RAD54B: variants seen among roughly 807,000 people sequenced by gnomAD.
RAD54B encodes RAD54 homolog B.
In RAD54B, 78 loss-of-function variants were observed where a neutral mutation model predicts 95.8. That is an observed-to-expected ratio of 0.81 (90% CI 0.68 to 0.98). The LOEUF is 0.98. Among genes scored for constraint, RAD54B ranks in the 50% least tolerant of loss-of-function variants. The pLI, the probability that RAD54B is intolerant of heterozygous loss-of-function variation, is 0.00. For missense variants in RAD54B, 957 were observed against 1,056.6 expected (o/e 0.91, Z 1.31); for synonymous variants, 328 against 354.9 (o/e 0.92, Z 0.85).
At chr8:94,430,401 C>G (rs927829228) in intron 3 of RAD54B, 1 of 985,078 alleles carries the variant, frequency 1.0e-6, no homozygotes, top group Non-Finnish European at 1.2e-6. Context: ...TTCAACTACT[C>G]TTCGACAAAA....
At chr8:94,445,314 G>A (rs955782049) in intron 3 of RAD54B, among the ~76,000 whole-genome samples, 3 of 152,062 alleles carry the variant, frequency 2.0e-5, no homozygotes, top group Non-Finnish European at 4.4e-5. Flanking sequence ...CACCACCTTG[G>A]GGGTTAGGAT....
chr8:94,423,753 C>G (rs1337725394), intron 3 of RAD54B, among the ~76,000 whole-genome samples: 3 of 152,202 alleles, frequency 2.0e-5, no homozygotes, highest in Non-Finnish European at 2.9e-5. Flanking sequence ...CTTTTGAACT[C>G]TTTTCACACA....
intron 3 of RAD54B, among the ~76,000 whole-genome samples, chr8:94,423,924 T>C (rs539504253): frequency 3.3e-5 from 5 of 152,286 alleles, no homozygotes; most frequent in African/African-American, 1.2e-4. Flanking sequence ...GAGAAAAACA[T>C]ACTTCCCCTT....
Position 94,391,592 on chromosome 8 carries a change from A to C in RAD54B, c.1809+17T>G, listed in dbSNP as rs1244726119. 6.2e-7 allele frequency: 1 copy of C among 1,606,016 alleles called. No individual in the cohort carries two copies. The highest frequency in any genetic ancestry group is 2.2e-5 in the East Asian group (1 of 44,802). On this transcript the variant is annotated intron_variant, in intron 10 of 14. Transcript: ENST00000336148. The stretch of plus-strand genomic sequence containing the variant: ...ACCCTCATATCCCTGACACAGTTTC[A>C]GATACTATGCACTTACCTTTATAGA...
chr8:94,401,031 G>T (rs1212069881), intron 6 of RAD54B, among the ~76,000 whole-genome samples: 1 of 152,050 alleles, frequency 6.6e-6, no homozygotes, highest in Non-Finnish European at 1.5e-5. Flanking sequence ...AAAATTAAAT[G>T]TTATTAGAGA....
rs977094557 is a variant in RAD54B, at chr8:94,467,321, A to G, written c.135+84T>C. The G allele has an allele frequency of 3.5e-5, 42 of 1,211,084 alleles. No homozygotes were observed. In the African/African-American group the frequency reaches 6.3e-4, roughly 18 times the overall value. 75.0% of individuals were successfully genotyped at this position (1,211,084 alleles called of 1,614,324 possible). On this transcript the variant is annotated intron_variant, in intron 2 of 14. Transcript: ENST00000336148. ...TACTGAAAATTCCTACAGGCAGAAA[A>G]TACTGTTAACTCTTTAAATGGCATT... is the stretch of plus-strand genomic sequence containing the variant.
At position 94,436,427 on chromosome 8, in the gene RAD54B, C is replaced by T. The variant is rs184366330; in HGVS notation, c.304+21841G>A. The T allele has an allele frequency of 5.1e-4, 739 of 1,454,856 alleles. 1 individual carries two copies. Among genetic ancestry groups the T allele is most frequent in the Non-Finnish European group, 4.9e-4 (545 of 1,108,232 alleles). The allele number at this position is 1,454,856 out of a possible 1,614,324, so 90.1% of individuals were successfully genotyped here. ...ATGCTTACTATGCATATCTCTATCA[C>T]GACTAAGCCAAAGCCCAATAGATAG... On this transcript the variant is annotated intron_variant, in intron 3 of 14. Transcript: ENST00000336148.
At chr8:94,432,544 G>T in intron 3 of RAD54B, 1 of 1,550,494 alleles carries the variant, frequency 6.4e-7, no homozygotes, top group South Asian at 1.2e-5. Context: ...AGTGGAGGAG[G>T]TGGTTTAATG....
At chr8:94,387,575 A>G (rs1391336468) in intron 10 of RAD54B, 1 of 154,476 alleles carries the variant, frequency 6.5e-6, no homozygotes, top group African/African-American at 2.4e-5. Flanking sequence ...CCCTGTTAGT[A>G]TTCTCTACTG....
In RAD54B at chr8:94,422,556, C is replaced by A. The variant is rs1415442530; in HGVS notation, c.305-11241G>T. ...GAGCCGAGAACATTCCACTGGCACT[C>A]CAGCCTGGACGATAGAGCGAGACTT... On this transcript the variant is annotated intron_variant, in intron 3 of 14. Transcript: ENST00000336148. Among the ~76,000 whole-genome samples the A allele has an allele frequency of 2.4e-5, 3 of 125,814 alleles. No individual in the cohort carries two copies. The South Asian group carries it at 7.8e-4, about 33-fold the overall frequency. The allele number at this position is 125,814 out of a possible 152,430, so 82.5% of individuals were successfully genotyped here.
At position 94,372,043 on chromosome 8, in the gene RAD54B, A is replaced by G. The variant is rs1274020804; in HGVS notation, c.*127T>C. 5 of 1,398,932 alleles carry G rather than the reference A, an allele frequency of 3.6e-6. No individual in the cohort carries two copies. The highest frequency in any genetic ancestry group is 4.7e-6 in the Non-Finnish European group (5 of 1,071,448). 86.7% of individuals were successfully genotyped at this position (1,398,932 alleles called of 1,614,324 possible). On this transcript the variant is annotated 3_prime_UTR_variant, in exon 15 of 15. Transcript: ENST00000336148. ...TAAACCACTCAATTTTGACTATTGT[A>G]TCAAAAGTGATATATTTTGCAACAT...
At chr8:94,420,594 A>G (rs1478268989) in intron 3 of RAD54B, among the ~76,000 whole-genome samples, 2 of 152,130 alleles carry the variant, frequency 1.3e-5, no homozygotes, top group East Asian at 3.9e-4. Flanking sequence ...TCATGGGGAA[A>G]AAACATAGCA....
intron 1 of RAD54B, among the ~76,000 whole-genome samples, chr8:94,472,338 T>C (rs571299391): frequency 1.8e-4 from 28 of 152,262 alleles, no homozygotes; most frequent in Middle Eastern, 3.4e-3. Context: ...TGACACAAGT[T>C]TGAAATTGAT....
intron 3 of RAD54B, among the ~76,000 whole-genome samples, chr8:94,418,558 T>C (rs1487876306): frequency 6.6e-6 from 1 of 152,186 alleles, no homozygotes; most frequent in Non-Finnish European, 1.5e-5. Flanking sequence ...ATGACCACAA[T>C]CAGGATATAG....
chr8:94,410,928 C>T (rs1811512494), intron 4 of RAD54B, among the ~76,000 whole-genome samples, 193 bp downstream of exon 4: 1 of 152,026 alleles, frequency 6.6e-6, no homozygotes, highest in South Asian at 2.1e-4. Flanking sequence ...ACTGAGCTAG[C>T]ATAAACCATA....
intron 3 of RAD54B, chr8:94,430,064 A>T (rs1160167281): frequency 1.0e-6 from 1 of 975,316 alleles, no homozygotes; most frequent in Non-Finnish European, 1.2e-6. Context: ...CTGTAATCCC[A>T]GCACTTTGGG....
chr8:94,455,057 C>T (rs1210748089), intron 3 of RAD54B, among the ~76,000 whole-genome samples: 2 of 152,174 alleles, frequency 1.3e-5, no homozygotes, highest in South Asian at 2.1e-4. Flanking sequence ...TACCATTCCT[C>T]GAGATACTAC....
intron 3 of RAD54B, among the ~76,000 whole-genome samples, chr8:94,433,700 T>G (rs1464474448): frequency 6.6e-6 from 1 of 151,824 alleles, no homozygotes; most frequent in Non-Finnish European, 1.5e-5. Context: ...CTCCTTGAGG[T>G]TGTTTTTTTT....
In RAD54B at chr8:94,391,678, G is replaced by A. The variant is rs776772143; in HGVS notation, c.1740C>T (p.Pro580=). 459 of 1,613,708 alleles carry A rather than the reference G, an allele frequency of 2.8e-4. 4 individuals carry two copies. The highest frequency in any genetic ancestry group is 1.6e-4 in the Middle Eastern group (1 of 6,084). ...TAAGAGCTCCTATACATATTAGATGGGGACTATTTTCCAACAACCCTTGAA... is the reference window on the plus strand; with the variant it reads ...TAAGAGCTCCTATACATATTAGATGAGGACTATTTTCCAACAACCCTTGAA... ...FCLQGLLENS[P]HLICIGALKK... The change falls in exon 10 of 15, where the codon CCC becomes CCT. Residue 580 remains proline (P), a synonymous_variant. Coordinates refer to ENST00000336148, the MANE Select transcript of RAD54B (RefSeq NM_012415.3).
Sources: allele counts gnomAD v4.1 joint callset (sites outside exome capture counted in the v4.1 genomes callset), GRCh38; gene constraint gnomAD v4.1.1; transcripts MANE v1.5; gene names NCBI Gene and HGNC (gene_info 2026-07-23, HGNC 2026-07-21).